Variants in NBAS observed in about 807,000 individuals in gnomAD.
NBAS encodes the protein NBAS subunit of NRZ tethering complex.
Under a neutral mutation model 302.5 loss-of-function variants are expected in NBAS, and 219 were observed. The observed-to-expected ratio is 0.72, with a 90% CI of 0.65 to 0.81. The LOEUF is 0.81. Among genes scored for constraint, NBAS ranks in the 30% least tolerant of loss-of-function variants. The pLI is 0.00. For missense variants in NBAS, 2,932 were observed against 2,841.6 expected (o/e 1.03, Z -0.72); for synonymous variants, 1,118 against 1,021.6 (o/e 1.09, Z -1.80).
chr2:14,819,897 C>T, the NBAS span, among the ~76,000 whole-genome samples: 1 of 152,162 alleles, frequency 6.6e-6, no homozygotes, highest in African/African-American at 2.4e-5. Context: ...AAATGGAAAG[C>T]AGGTATATGA....
chr2:15,037,812 A>G, the NBAS span, among the ~76,000 whole-genome samples: 3 of 152,122 alleles, frequency 2.0e-5, no homozygotes, highest in African/African-American at 4.8e-5. Context: ...TTTACATAGA[A>G]ACAGTAAAAA....
At chr2:15,033,132 T>C in the NBAS span, among the ~76,000 whole-genome samples, 8 of 152,234 alleles carry the variant, frequency 5.3e-5, no homozygotes, top group African/African-American at 1.7e-4. Flanking sequence ...CCAATGGGCA[T>C]AGCATCAGAC....
chr2:15,225,410 A>T (rs1312929504), intron 47 of NBAS, among the ~76,000 whole-genome samples: 1 of 152,208 alleles, frequency 6.6e-6, no homozygotes, highest in Non-Finnish European at 1.5e-5. Context: ...CATGCACTGC[A>T]GGTGCTCAGA....
At chr2:15,279,492 C>A (rs760316892) in intron 42 of NBAS, among the ~76,000 whole-genome samples, 1 of 152,160 alleles carries the variant, frequency 6.6e-6, no homozygotes, top group Non-Finnish European at 1.5e-5. Context: ...ATACTTCATT[C>A]GTAACACCTT....
chr2:15,429,188 C>T (rs1677636668), intron 21 of NBAS, among the ~76,000 whole-genome samples: 1 of 152,152 alleles, frequency 6.6e-6, no homozygotes, highest in Non-Finnish European at 1.5e-5. Flanking sequence ...ATGTGACTCT[C>T]TAAAATGAAG....
chr2:15,483,284 A>G, intron 12 of NBAS: 1 of 363,176 alleles, frequency 2.8e-6, no homozygotes, highest in African/African-American at 2.1e-5. Context: ...TTGTGAAAAC[A>G]GCTGTGGATT....
chr2:15,282,544 T>G (rs1004636653), intron 42 of NBAS, among the ~76,000 whole-genome samples: 4 of 151,828 alleles, frequency 2.6e-5, no homozygotes, highest in African/African-American at 9.7e-5. Context: ...ACATTCAGAG[T>G]CCCTATGACC....
the NBAS span, among the ~76,000 whole-genome samples, chr2:15,046,888 G>A: frequency 3.3e-5 from 5 of 152,210 alleles, no homozygotes; most frequent in Admixed American, 2.0e-4. Context: ...AAGAGAGGCA[G>A]AGGCACAGAA....
chr2:15,044,732 T>C, the NBAS span, among the ~76,000 whole-genome samples: 6 of 152,212 alleles, frequency 3.9e-5, no homozygotes, highest in South Asian at 2.1e-4. Context: ...AAAGAGATGA[T>C]AGTTGTGGCC....
chr2:15,109,657 A>T, the NBAS span, among the ~76,000 whole-genome samples: 2 of 152,188 alleles, frequency 1.3e-5, no homozygotes, highest in South Asian at 4.1e-4. Context: ...TAGACTGCTG[A>T]TTCTCCTTGT....
At chr2:15,174,407 T>G (rs1313896873) in intron 51 of NBAS, among the ~76,000 whole-genome samples, 3 of 151,994 alleles carry the variant, frequency 2.0e-5, no homozygotes, top group Non-Finnish European at 2.9e-5. Context: ...TCTGAGAAAA[T>G]CCCCAGGGCA....
Position 15,327,749 on chromosome 2 carries a change from C to G in NBAS, c.4582+1G>C. On this transcript the variant is annotated splice_donor_variant, in intron 38 of 51. Coordinates refer to ENST00000281513, the MANE Select transcript of NBAS (RefSeq NM_015909.4). LOFTEE classifies it high-confidence loss of function. ...CAAGGGACTAGAACCTTCTCTCTTA[C>G]CTTCAGTTGTTGGAAATACTTCTCC... is the stretch of plus-strand genomic sequence containing the variant. 6.2e-7 allele frequency: 1 copy of G among 1,613,558 alleles called. No homozygotes were observed. Among genetic ancestry groups the G allele is most frequent in the South Asian group, 1.1e-5 (1 of 91,066 alleles).
At chr2:15,484,327 C>T (rs1272538475) in intron 12 of NBAS, among the ~76,000 whole-genome samples, 1 of 152,052 alleles carries the variant, frequency 6.6e-6, no homozygotes, top group African/African-American at 2.4e-5. Flanking sequence ...AGTAGATATT[C>T]TGAAAAAAGG....
intron 32 of NBAS, among the ~76,000 whole-genome samples, chr2:15,364,621 G>A (rs1372403128): frequency 6.6e-6 from 1 of 152,070 alleles, no homozygotes; most frequent in Admixed American, 6.5e-5. Context: ...AGGAAGTCTG[G>A]GTACTCTGAG....
the NBAS span, among the ~76,000 whole-genome samples, chr2:15,085,512 C>G: frequency 6.6e-6 from 1 of 152,152 alleles, no homozygotes; most frequent in East Asian, 1.9e-4. Context: ...CAGATGCAGG[C>G]CCAGGCCCAG....
chr2:15,257,094 C>T (rs903860872), intron 44 of NBAS, among the ~76,000 whole-genome samples: 3 of 152,166 alleles, frequency 2.0e-5, no homozygotes, highest in Admixed American at 1.3e-4. Context: ...CCCTCTTTCT[C>T]TATCTTTTGG....
rs562104118 is a variant in NBAS at position 15,340,044 on chromosome 2, A to G, written c.4180-9279T>C. Among the ~76,000 whole-genome samples the G allele has an allele frequency of 2.0e-5, 3 of 152,330 alleles. No individual in the cohort carries two copies. In the South Asian group the frequency reaches 6.2e-4, roughly 32 times the overall value. On this transcript the variant is annotated intron_variant, in intron 35 of 51. Transcript: ENST00000281513. Reference sequence around the variant, plus strand: ...ATTAAAGCTTAACAGTGGAGAAAAGAGACCATGGGTGTCCTTGTAGATGAC... The same window carrying G: ...ATTAAAGCTTAACAGTGGAGAAAAGGGACCATGGGTGTCCTTGTAGATGAC...
At chr2:15,372,323 C>G (rs1045123509) in intron 31 of NBAS, among the ~76,000 whole-genome samples, 1 of 152,140 alleles carries the variant, frequency 6.6e-6, no homozygotes, top group Non-Finnish European at 1.5e-5. Context: ...TTTTTACATG[C>G]GACTTCTGTT....
the NBAS span, among the ~76,000 whole-genome samples, chr2:15,034,230 A>G: frequency 1.1e-4 from 6 of 52,378 alleles, no homozygotes; most frequent in African/African-American, 5.1e-4. Context: ...GAGGGAAAGA[A>G]AGAAGGAAAG....
Sources: allele counts gnomAD v4.1 joint callset (sites outside exome capture counted in the v4.1 genomes callset), GRCh38; gene constraint gnomAD v4.1.1; transcripts MANE v1.5; gene names NCBI Gene and HGNC (gene_info 2026-07-23, HGNC 2026-07-21).